The following SLC25A48 variants were observed in gnomAD, a reference collection of about 807,000 sequenced individuals.
SLC25A48 encodes the protein solute carrier family 25 member 48, also known as CTC-321K16.1.
SLC25A48 carries 29 observed loss-of-function variants against 32.2 expected under a neutral mutation model. That is an observed-to-expected ratio of 0.90 (90% CI 0.67 to 1.23). SLC25A48 has a LOEUF of 1.23. Among genes scored for constraint, SLC25A48 ranks in the 50% most tolerant of loss-of-function variants. The probability of loss-of-function intolerance (pLI) is 0.00; values close to 1 mark genes in which losing one functional copy is unlikely to be tolerated. For synonymous variants in SLC25A48, 164 were observed against 172.3 expected (o/e 0.95, Z 0.38); for missense variants, 399 against 422.7 (o/e 0.94, Z 0.49).
chr5:135,687,180 A>T (rs1465148840), intron 3 of SLC25A48, among the ~76,000 whole-genome samples: 1 of 150,448 alleles, frequency 6.6e-6, no homozygotes. Flanking sequence ...AAGGAATCTT[A>T]TTTACTCTGA....
chr5:135,882,008 T>G (rs891406830), intron 7 of SLC25A48, among the ~76,000 whole-genome samples: 1 of 152,248 alleles, frequency 6.6e-6, no homozygotes, highest in Non-Finnish European at 1.5e-5. Flanking sequence ...CCCTGGTGAT[T>G]AACTGCTTCA....
chr5:135,858,620 T>C (rs1760529079), intron 4 of SLC25A48, among the ~76,000 whole-genome samples: 2 of 152,128 alleles, frequency 1.3e-5, no homozygotes, highest in African/African-American at 4.8e-5. Flanking sequence ...CCTCCCTTAG[T>C]GGGAGGTGGA....
chr5:135,866,847 A>G (rs1246536565), intron 4 of SLC25A48, among the ~76,000 whole-genome samples: 2 of 152,206 alleles, frequency 1.3e-5, no homozygotes, highest in African/African-American at 4.8e-5. Context: ...TCTTGGTTAC[A>G]TAGGTGCAGG....
intron 1 of SLC25A48, among the ~76,000 whole-genome samples, chr5:135,610,910 A>G (rs1752048066): frequency 6.6e-6 from 1 of 152,198 alleles, no homozygotes; most frequent in Non-Finnish European, 1.5e-5. Context: ...ATTTAGAGGA[A>G]TAAGCAGATA....
chr5:135,882,695 C>T (rs1456392490), intron 7 of SLC25A48, among the ~76,000 whole-genome samples: 1 of 152,164 alleles, frequency 6.6e-6, no homozygotes, highest in East Asian at 1.9e-4. Context: ...TTACCAGTGG[C>T]TGGCTCTCAG....
intron 3 of SLC25A48, among the ~76,000 whole-genome samples, chr5:135,754,634 C>T (rs1200091484): frequency 6.6e-6 from 1 of 151,834 alleles, no homozygotes; most frequent in Non-Finnish European, 1.5e-5. Context: ...TGAAATATCA[C>T]TCTGATATTT....
chr5:135,795,043 T>C (rs888343997), intron 3 of SLC25A48, among the ~76,000 whole-genome samples: 4 of 151,718 alleles, frequency 2.6e-5, no homozygotes, highest in Non-Finnish European at 5.9e-5. Flanking sequence ...ACCCCCACAT[T>C]GATATTGTTT....
intron 1 of SLC25A48, among the ~76,000 whole-genome samples, chr5:135,607,884 G>A (rs1245912924): frequency 1.3e-5 from 2 of 152,168 alleles, no homozygotes; most frequent in East Asian, 3.9e-4. Flanking sequence ...TTGAGTTGTA[G>A]TTCCACTTCT....
intron 3 of SLC25A48, among the ~76,000 whole-genome samples, chr5:135,775,084 G>A (rs1756515545): frequency 6.6e-6 from 1 of 151,774 alleles, no homozygotes; most frequent in African/African-American, 2.4e-5. Flanking sequence ...TAGTGAAGGA[G>A]AAGATGATAT....
intron 3 of SLC25A48, among the ~76,000 whole-genome samples, chr5:135,759,627 C>G (rs1011021466): frequency 2.6e-5 from 4 of 152,102 alleles, no homozygotes; most frequent in African/African-American, 7.2e-5. Flanking sequence ...TCCCTTCCCC[C>G]TGCCACCAAT....
At chr5:135,703,230 A>C (rs1754433067) in intron 3 of SLC25A48, among the ~76,000 whole-genome samples, 1 of 152,212 alleles carries the variant, frequency 6.6e-6, no homozygotes, top group African/African-American at 2.4e-5. Context: ...ACTCCACATT[A>C]GCTTCTGCAG....
chr5:135,764,886 T>C (rs1756166805), intron 3 of SLC25A48, among the ~76,000 whole-genome samples: 1 of 151,662 alleles, frequency 6.6e-6, no homozygotes, highest in African/African-American at 2.4e-5. Context: ...GCAGGGGGTG[T>C]ATATCACACT....
chr5:135,763,670 C>T (rs1756120372), intron 3 of SLC25A48, among the ~76,000 whole-genome samples: 2 of 151,916 alleles, frequency 1.3e-5, no homozygotes, highest in Admixed American at 6.6e-5. Context: ...AGGCAGGAAA[C>T]TTGTCTAAAC....
chr5:135,724,917 G>A (rs1755052298), intron 3 of SLC25A48, among the ~76,000 whole-genome samples: 1 of 152,246 alleles, frequency 6.6e-6, no homozygotes, highest in African/African-American at 2.4e-5. Context: ...CACAGACTCG[G>A]GTGTGTGAGG....
At chr5:135,723,672 A>G (rs1251023618) in intron 3 of SLC25A48, among the ~76,000 whole-genome samples, 1 of 152,162 alleles carries the variant, frequency 6.6e-6, no homozygotes, top group African/African-American at 2.4e-5. Context: ...GCCTGTAAGC[A>G]GACATGTTTC....
intron 4 of SLC25A48, among the ~76,000 whole-genome samples, chr5:135,828,033 G>A (rs925827342): frequency 3.3e-5 from 5 of 152,226 alleles, no homozygotes; most frequent in Non-Finnish European, 7.3e-5. Flanking sequence ...AAGGAGGGCC[G>A]AGAGCCCTGC....
rs777539065 is a variant in SLC25A48 at position 135,871,703 on chromosome 5, G to C, written c.664G>C (p.Ala222Pro). Residue 222 changes from alanine to proline, a missense_variant, in exon 5 of 8, where the codon GCG (alanine) becomes CCG (proline). Transcript: ENST00000681962. ...TGPSPCAVWL[A>P]GGMAGAISWG... Reference sequence around the variant, plus strand: ...CCCCAGCCCCTGTGCCGTGTGGCTGGCGGGCGGCATGGCAGGTAAGGGCAG... The same window carrying C: ...CCCCAGCCCCTGTGCCGTGTGGCTGCCGGGCGGCATGGCAGGTAAGGGCAG... The C allele has an allele frequency of 1.2e-6, 2 of 1,613,514 alleles. No individual in the cohort carries two copies. Among genetic ancestry groups the C allele is most frequent in the East Asian group, 4.5e-5 (2 of 44,870 alleles).
intron 3 of SLC25A48, among the ~76,000 whole-genome samples, chr5:135,636,424 A>G (rs138842127): frequency 2.2e-3 from 342 of 152,336 alleles, no homozygotes; most frequent in African/African-American, 7.7e-3. Flanking sequence ...GTCAAAGAAG[A>G]TGATGTGAAA....
In SLC25A48 at chr5:135,740,524, A is replaced by G. The variant is rs187111223; in HGVS notation, c.-520-71999A>G. On this transcript the variant is annotated intron_variant, in intron 3 of 10. Coordinates refer to the SLC25A48 transcript ENST00000646290. ...TCAGGGCATGGAAAAATACTGAGGC[A>G]CTGTGTGCATGTTATTTGTGCATGA... is the stretch of plus-strand genomic sequence containing the variant. 9.7e-4 allele frequency among the ~76,000 whole-genome samples: 148 copies of G among 152,244 alleles called. 1 individual carries two copies. The highest frequency in any genetic ancestry group is 3.3e-3 in the African/African-American group (138 of 41,552).
Sources: gnomAD v4.1 joint callset for allele counts (sites outside exome capture counted in the v4.1 genomes callset) on GRCh38, gnomAD v4.1.1 for gene constraint, MANE v1.5 for transcripts, NCBI Gene and HGNC (gene_info 2026-07-23, HGNC 2026-07-21) for gene names.